Variants in PTPRK observed in about 807,000 individuals in gnomAD.
PTPRK encodes protein tyrosine phosphatase receptor type K.
PTPRK carries 75 observed loss-of-function variants against 178.0 expected under a neutral mutation model. The observed-to-expected ratio is 0.42, with a 90% confidence interval of 0.35 to 0.51. The LOEUF is 0.51. Ranked by LOEUF, PTPRK falls within the 20% of genes least tolerant of loss-of-function variation. The pLI is 0.02. For synonymous variants in PTPRK, 637 were observed against 620.6 expected, an observed-to-expected ratio of 1.03 and a Z score of -0.39; for missense variants, 1,441 against 1,797.8, an observed-to-expected ratio of 0.80 and a Z score of 3.59.
chr6:128,164,094 T>C (rs879092712), intron 7 of PTPRK, among the ~76,000 whole-genome samples: 4 of 151,508 alleles, frequency 2.6e-5, no homozygotes, highest in African/African-American at 7.2e-5. Flanking sequence ...TTCTAGAAGA[T>C]ACCCCAGCAC....
rs1253410590 is a variant in PTPRK, at chr6:127,983,353, G to A, written c.3276C>T (p.Cys1092=). The change falls in exon 23 of 30, where the codon TGC becomes TGT. Residue 1092 remains cysteine (C), a synonymous_variant. Transcript: ENST00000368226. ...CTAGCATGATGTCAATCACAATGTA[G>A]CAGCCAGTTCGTCCAGCACCAGCAC... ...HCSAGAGRTG[C]YIVIDIMLDM... 8 of 1,613,450 alleles carry A rather than the reference G, an allele frequency of 5.0e-6. No individual in the cohort carries two copies. Among genetic ancestry groups the A allele is most frequent in the Non-Finnish European group, 6.8e-6 (8 of 1,179,706 alleles).
In PTPRK at chr6:128,427,679, G is replaced by A. The variant is rs192537881; in HGVS notation, c.101-29991C>T. Among the ~76,000 whole-genome samples the A allele has an allele frequency of 5.3e-5, 8 of 152,108 alleles. No individual in the cohort carries two copies. In the East Asian group the frequency reaches 1.5e-3, roughly 29 times the overall value. On this transcript the variant is annotated intron_variant, in intron 1 of 29. Coordinates refer to ENST00000368226, the MANE Select transcript of PTPRK (RefSeq NM_002844.4). ...ATTCCCCAAAGTAAAGCTAGATATC[G>A]TCTTCAATTCCTGGATGACTGCCAC...
intron 3 of PTPRK, among the ~76,000 whole-genome samples, chr6:128,289,226 A>T (rs1583924709): frequency 6.6e-6 from 1 of 152,144 alleles, no homozygotes; most frequent in Admixed American, 6.6e-5. Context: ...ATTATAAACC[A>T]CTAGAATGGA....
At chr6:128,214,835 GA>G (rs1343199178) in intron 6 of PTPRK, among the ~76,000 whole-genome samples, 1 of 152,026 alleles carries the variant, frequency 6.6e-6, no homozygotes, top group Non-Finnish European at 1.5e-5. Context: ...TCTTACAACG[GA>G]ATGACATCTG....
In PTPRK at chr6:128,519,357, G is replaced by A. The variant is rs1858621981; in HGVS notation, c.100+902C>T. 6.6e-6 allele frequency among the ~76,000 whole-genome samples: 1 copy of A among 152,220 alleles called. No individual in the cohort carries two copies. Among genetic ancestry groups the A allele is most frequent in the Non-Finnish European group, 1.5e-5 (1 of 68,046 alleles). ...ACGGACTTCTCTGAGCGGCTTGACC[G>A]AGAACCCCCAGGGCTACAGCGAGAC... On this transcript the variant is annotated intron_variant, in intron 1 of 29. Coordinates refer to ENST00000368226, the MANE Select transcript of PTPRK (RefSeq NM_002844.4). The surrounding 1 kb of genome is among the most constrained non-coding windows in gnomAD (Gnocchi z 4.3).
intron 1 of PTPRK, among the ~76,000 whole-genome samples, chr6:128,493,762 G>A (rs1417697286): frequency 6.6e-6 from 1 of 152,042 alleles, no homozygotes; most frequent in Non-Finnish European, 1.5e-5. Context: ...GGGTGACTTG[G>A]TGTCATCAAG....
chr6:128,475,984 C>A (rs1851325527), intron 1 of PTPRK, among the ~76,000 whole-genome samples: 1 of 151,982 alleles, frequency 6.6e-6, no homozygotes, highest in East Asian at 1.9e-4. Context: ...TCTTTGAACT[C>A]AGCACTTAGA....
chr6:128,487,742 A>G (rs1370048257), intron 1 of PTPRK, among the ~76,000 whole-genome samples: 5 of 152,306 alleles, frequency 3.3e-5, no homozygotes, highest in East Asian at 1.9e-4. Context: ...TTGGGCCTTC[A>G]TTTCAGAAGA....
At chr6:128,414,756 AT>A (rs1221710915) in intron 1 of PTPRK, among the ~76,000 whole-genome samples, 1 of 152,214 alleles carries the variant, frequency 6.6e-6, no homozygotes. Flanking sequence ...GTCACATATT[AT>A]GTGTTCAGAC....
chr6:128,195,922 A>G (rs1562769971), intron 6 of PTPRK, among the ~76,000 whole-genome samples: 3 of 152,132 alleles, frequency 2.0e-5, no homozygotes, highest in African/African-American at 7.2e-5. Flanking sequence ...AATAGCCTCA[A>G]TTTTGGAATT....
chr6:128,509,327 T>A (rs1042036144), intron 1 of PTPRK, among the ~76,000 whole-genome samples: 5 of 152,150 alleles, frequency 3.3e-5, no homozygotes, highest in Non-Finnish European at 5.9e-5. Flanking sequence ...TGAAAAAAGT[T>A]GGGGGGACTG....
intron 2 of PTPRK, among the ~76,000 whole-genome samples, chr6:128,376,989 G>A (rs1275453269): frequency 6.6e-6 from 1 of 152,124 alleles, no homozygotes; most frequent in Non-Finnish European, 1.5e-5. Context: ...AAATGTCAAA[G>A]CCCAAGTCAA....
chr6:127,975,000 T>C (rs966450251), intron 27 of PTPRK, among the ~76,000 whole-genome samples: 2 of 152,176 alleles, frequency 1.3e-5, no homozygotes, highest in African/African-American at 4.8e-5. Context: ...TTACAAGCCC[T>C]ACTTAGTACT....
chr6:128,239,111 A>G (rs1813890044), intron 5 of PTPRK, among the ~76,000 whole-genome samples: 1 of 149,762 alleles, frequency 6.7e-6, no homozygotes, highest in Non-Finnish European at 1.5e-5. Context: ...TGTTGAAGAA[A>G]TTAAACTCAT....
At chr6:128,483,588 T>C (rs1584924331) in intron 1 of PTPRK, among the ~76,000 whole-genome samples, 1 of 152,228 alleles carries the variant, frequency 6.6e-6, no homozygotes, top group East Asian at 1.9e-4. Context: ...GTCCAAAACA[T>C]AGTAATGGAA....
intron 7 of PTPRK, among the ~76,000 whole-genome samples, chr6:128,114,931 T>C (rs1160023504): frequency 1.3e-5 from 2 of 152,058 alleles, no homozygotes; most frequent in Non-Finnish European, 2.9e-5. Context: ...TCACAGACTT[T>C]GTTTTTCTTC....
chr6:128,380,582 T>C (rs1286426139), intron 2 of PTPRK, among the ~76,000 whole-genome samples: 1 of 151,090 alleles, frequency 6.6e-6, no homozygotes, highest in Non-Finnish European at 1.5e-5. Flanking sequence ...GTGTATGCAA[T>C]ATTACACTTT....
chr6:128,043,183 T>C (rs1372079054), intron 13 of PTPRK, among the ~76,000 whole-genome samples: 3 of 152,082 alleles, frequency 2.0e-5, no homozygotes, highest in Non-Finnish European at 4.4e-5. Flanking sequence ...ATTATTACGA[T>C]AGACCTCTGG....
rs1821337659 is a variant in PTPRK at position 128,279,472 on chromosome 6, G to C, written c.496-36870C>G. Among the ~76,000 whole-genome samples the C allele has an allele frequency of 2.0e-5, 3 of 152,142 alleles. No individual in the cohort carries two copies. The South Asian group carries it at 6.2e-4, about 31-fold the overall frequency. On this transcript the variant is annotated intron_variant, in intron 3 of 29. Coordinates refer to ENST00000368226, the MANE Select transcript of PTPRK (RefSeq NM_002844.4). ...AATGAATGGCTTTCCTCAGCTAACT[G>C]CAGAATTGCTTATCAGGTAAATCTG...
Sources: allele counts gnomAD v4.1 joint callset (sites outside exome capture counted in the v4.1 genomes callset), GRCh38; gene constraint gnomAD v4.1.1; non-coding constraint Gnocchi (gnomAD v3.1); transcripts MANE v1.5; gene names NCBI Gene and HGNC (gene_info 2026-07-23, HGNC 2026-07-21).